Variants in AKAP13 observed in about 807,000 individuals in gnomAD.
AKAP13 encodes the protein A-kinase anchor protein 13.
AKAP13 carries 80 observed loss-of-function variants against 264.5 expected under a neutral mutation model. The ratio of observed to expected loss-of-function variants is 0.30; its 90% CI spans 0.25 to 0.36. The LOEUF is 0.36. AKAP13 is among the 10% of genes least tolerant of loss of function. The probability of loss-of-function intolerance (pLI) is 1.00; values close to 1 mark genes in which losing one functional copy is unlikely to be tolerated. For synonymous variants in AKAP13, 1,380 were observed against 1,250.2 expected, an observed-to-expected ratio of 1.10 and a Z score of -2.19; for missense variants, 3,712 against 3,435.2, an observed-to-expected ratio of 1.08 and a Z score of -2.01.
At chr15:85,432,364 T>A (rs1224029587) in intron 1 of AKAP13, among the ~76,000 whole-genome samples, 1 of 151,390 alleles carries the variant, frequency 6.6e-6, no homozygotes, top group South Asian at 2.1e-4. Flanking sequence ...TCTCTGCAAA[T>A]CTTAAAAAAA....
At chr15:85,729,081 A>C (rs1459255921) in intron 29 of AKAP13, among the ~76,000 whole-genome samples, 1 of 151,884 alleles carries the variant, frequency 6.6e-6, no homozygotes, top group Non-Finnish European at 1.5e-5. Context: ...CGGGCGGATC[A>C]CAAGGTCAGG....
chr15:85,554,686 A>G (rs868239441), intron 5 of AKAP13, among the ~76,000 whole-genome samples: 1 of 152,050 alleles, frequency 6.6e-6, no homozygotes, highest in Non-Finnish European at 1.5e-5. Context: ...CAATATATCA[A>G]TCGTTTCGGG....
intron 14 of AKAP13, among the ~76,000 whole-genome samples, chr15:85,681,143 A>G (rs1461273855): frequency 6.6e-6 from 1 of 152,178 alleles, no homozygotes; most frequent in African/African-American, 2.4e-5. Context: ...TGGTAGTAGA[A>G]CATCTTCAAA....
chr15:85,402,269 G>A (rs1198247144), intron 1 of AKAP13, among the ~76,000 whole-genome samples: 1 of 152,144 alleles, frequency 6.6e-6, no homozygotes, highest in Non-Finnish European at 1.5e-5. Flanking sequence ...GTTTATTTTT[G>A]TGTTTCCTGT....
intron 8 of AKAP13, among the ~76,000 whole-genome samples, chr15:85,613,404 G>A (rs1186162744): frequency 6.6e-6 from 1 of 152,050 alleles, no homozygotes; most frequent in East Asian, 1.9e-4. Context: ...TGCTGGGGCC[G>A]GGTGCGGTGG....
At chr15:85,631,589 A>G (rs2081829762) in intron 8 of AKAP13, among the ~76,000 whole-genome samples, 1 of 151,838 alleles carries the variant, frequency 6.6e-6, no homozygotes, top group Admixed American at 6.6e-5. Flanking sequence ...GGATCCTGGA[A>G]CAGAAAGAGA....
intron 2 of AKAP13, among the ~76,000 whole-genome samples, chr15:85,517,430 T>A (rs530106554): frequency 1.3e-5 from 2 of 152,024 alleles, no homozygotes; most frequent in African/African-American, 4.8e-5. Flanking sequence ...ACATGGAGAG[T>A]CTCCCAGCAA....
At chr15:85,703,995 A>G (rs552084791) in intron 17 of AKAP13, among the ~76,000 whole-genome samples, 1 of 152,232 alleles carries the variant, frequency 6.6e-6, no homozygotes. Context: ...CTCATATTTA[A>G]CTGTTTTTTG....
intron 16 of AKAP13, among the ~76,000 whole-genome samples, chr15:85,686,144 A>ACTGT (rs1417214544): frequency 3.4e-5 from 3 of 87,154 alleles, no homozygotes; most frequent in Non-Finnish European, 7.5e-5. Context: ...GCAAGGAATC[A>ACTGT]CTGTGTGTGT....
At chr15:85,491,553 T>C (rs1459171068) in intron 2 of AKAP13, among the ~76,000 whole-genome samples, 1 of 147,932 alleles carries the variant, frequency 6.8e-6, no homozygotes, top group Non-Finnish European at 1.5e-5. Context: ...ATATATATTT[T>C]AGCAGATTTG....
intron 14 of AKAP13, among the ~76,000 whole-genome samples, chr15:85,675,900 G>C (rs535577392): frequency 3.4e-4 from 52 of 151,106 alleles, no homozygotes; most frequent in African/African-American, 1.2e-3. Flanking sequence ...TGGGAGGAGA[G>C]ATTGGATCAG....
At position 85,740,237 on chromosome 15, in the gene AKAP13, G is replaced by A. The variant is rs761515628; in HGVS notation, c.7573G>A (p.Val2525Ile). The change falls in exon 34 of 37, where the codon GTT becomes ATT. Residue 2525 changes from valine (V) to isoleucine (I), a missense_variant. Physicochemically the swap from Val to Ile is conservative, Grantham distance 29 (BLOSUM62 3). Transcript: ENST00000394518. ...KRNSEQVVQSVVHLYELLSAL... is the reference protein window; with the variant it reads ...KRNSEQVVQSIVHLYELLSAL... ...CCTTTGGCAGCAGGTTGTCCAGAGC[G>A]TTGTTCATCTCTACGAGCTCCTCAG... 4.7e-5 allele frequency: 76 copies of A among 1,614,072 alleles called. No homozygotes were observed. Among genetic ancestry groups the A allele is most frequent in the South Asian group, 2.0e-4 (18 of 91,082 alleles).
At chr15:85,484,713 T>C (rs545635853) in intron 1 of AKAP13, among the ~76,000 whole-genome samples, 2 of 152,322 alleles carry the variant, frequency 1.3e-5, no homozygotes, top group Admixed American at 6.5e-5. Context: ...GTTATTTGAG[T>C]TAGGCATGGC....
chr15:85,392,024 C>G (rs188208243), intron 1 of AKAP13, among the ~76,000 whole-genome samples: 96 of 152,094 alleles, frequency 6.3e-4, no homozygotes, highest in African/African-American at 2.2e-3. Context: ...ACCTCGTGAT[C>G]CACCCACCTC....
rs1047602551 is a variant in AKAP13 at position 85,708,609 on chromosome 15, A to T, written c.5532+523A>T. ...TAGAAAGTGCCTGTTTTATGGTGGT[A>T]TCTGCCCTGAGCATGTATGCTATGT... is the stretch of plus-strand genomic sequence containing the variant. On this transcript the variant is annotated intron_variant, in intron 18 of 36. Coordinates refer to ENST00000394518, the MANE Select transcript of AKAP13 (RefSeq NM_007200.5). The surrounding 1 kb of genome is among the most constrained non-coding windows in gnomAD (Gnocchi z 4.3). Among the ~76,000 whole-genome samples the T allele has an allele frequency of 3.3e-5, 5 of 152,314 alleles. No individual in the cohort carries two copies. The highest frequency in any genetic ancestry group is 7.3e-5 in the Non-Finnish European group (5 of 68,032).
intron 2 of AKAP13, among the ~76,000 whole-genome samples, chr15:85,511,526 A>G (rs969357627): frequency 2.0e-5 from 3 of 152,124 alleles, no homozygotes; most frequent in Non-Finnish European, 4.4e-5. Context: ...AATTATTCCC[A>G]CAAGCCACTA....
chr15:85,554,189 G>C (rs1038522592), intron 5 of AKAP13, among the ~76,000 whole-genome samples: 1 of 152,040 alleles, frequency 6.6e-6, no homozygotes, highest in African/African-American at 2.4e-5. Context: ...AGCTGAACTT[G>C]GTGTGTCCCT....
At chr15:85,672,381 A>G (rs912585522) in intron 14 of AKAP13, among the ~76,000 whole-genome samples, 3 of 152,260 alleles carry the variant, frequency 2.0e-5, no homozygotes, top group African/African-American at 7.2e-5. Flanking sequence ...CACTAGAAAC[A>G]TAATACATCA....
intron 8 of AKAP13, among the ~76,000 whole-genome samples, chr15:85,587,771 C>A (rs1441954397): frequency 6.6e-6 from 1 of 152,204 alleles, no homozygotes; most frequent in South Asian, 2.1e-4. Flanking sequence ...CTCAGCCTCC[C>A]GAGTAGCTGG....
Sources: gnomAD v4.1 joint callset for allele counts (sites outside exome capture counted in the v4.1 genomes callset) on GRCh38, gnomAD v4.1.1 for gene constraint, Gnocchi (gnomAD v3.1) non-coding constraint, MANE v1.5 for transcripts, NCBI Gene and HGNC (gene_info 2026-07-23, HGNC 2026-07-21) for gene names.